Variants in SHTN1 observed in about 807,000 individuals in gnomAD.
SHTN1 encodes the protein shootin 1, also known as shootin-1.
SHTN1 carries 42 observed loss-of-function variants against 83.1 expected under a neutral mutation model. The observed-to-expected ratio is 0.51, with a 90% confidence interval of 0.39 to 0.65. The LOEUF (loss-of-function observed/expected upper bound fraction) is 0.65. Among genes scored for constraint, SHTN1 ranks in the 30% least tolerant of loss-of-function variants. The probability of loss-of-function intolerance (pLI) is 0.00; values close to 1 mark genes in which losing one functional copy is unlikely to be tolerated. For missense variants in SHTN1, 622 were observed against 737.8 expected (o/e 0.84, Z 1.82); for synonymous variants, 224 against 247.7 (o/e 0.90, Z 0.90).
intron 2 of SHTN1, among the ~76,000 whole-genome samples, chr10:117,027,787 C>T (rs1279438317): frequency 2.6e-5 from 4 of 152,152 alleles, no homozygotes; most frequent in Non-Finnish European, 5.9e-5. Flanking sequence ...CGTGAGCCAC[C>T]GCACCTGGCC....
At chr10:116,999,891 T>C (rs1352465124) in intron 1 of SHTN1, among the ~76,000 whole-genome samples, 1 of 152,146 alleles carries the variant, frequency 6.6e-6, no homozygotes, top group Non-Finnish European at 1.5e-5. Context: ...CCAGCCTGGG[T>C]GACAGAGTGA....
chr10:116,994,194 AG>A (rs1158565975), intron 1 of SHTN1, among the ~76,000 whole-genome samples: 5 of 152,138 alleles, frequency 3.3e-5, no homozygotes, highest in African/African-American at 1.2e-4. Flanking sequence ...GCAAGATATG[AG>A]GATCTGTTTT....
chr10:117,105,143 G>C (rs1853653489), intron 1 of SHTN1, among the ~76,000 whole-genome samples: 1 of 151,994 alleles, frequency 6.6e-6, no homozygotes, highest in Non-Finnish European at 1.5e-5. Context: ...CTCTTACTAT[G>C]CATATCTCAT....
chr10:117,001,395 T>C (rs1431577530), intron 1 of SHTN1, among the ~76,000 whole-genome samples: 4 of 152,178 alleles, frequency 2.6e-5, no homozygotes, highest in Non-Finnish European at 5.9e-5. Context: ...AAGTATAAAT[T>C]AGAGATTGTT....
Position 116,886,509 on chromosome 10 carries a change from T to C in SHTN1, c.1731A>G (p.Glu577=). ...KKYIDGEKQA[E]PVVVLDPVST... ...AAACAGGATCTAAAACTACAACTGG[T>C]TCGGCTTGTTTTTCACCGTCAATGT... The change falls in exon 17 of 17, where the codon GAA becomes GAG. Residue 577 remains glutamate (E), a synonymous_variant. Transcript: ENST00000355371. The C allele has an allele frequency of 6.2e-7, 1 of 1,614,198 alleles. No homozygotes were observed. The highest frequency in any genetic ancestry group is 1.1e-5 in the South Asian group (1 of 91,072).
chr10:117,057,720 G>C (rs939827770), intron 1 of SHTN1, among the ~76,000 whole-genome samples: 1 of 152,102 alleles, frequency 6.6e-6, no homozygotes, highest in Non-Finnish European at 1.5e-5. Flanking sequence ...CCCCGGCACA[G>C]ACACAGCCTA....
At chr10:117,068,319 G>C (rs770974020) in intron 1 of SHTN1, among the ~76,000 whole-genome samples, 1 of 152,146 alleles carries the variant, frequency 6.6e-6, no homozygotes, top group Non-Finnish European at 1.5e-5. Context: ...GAACCCAGGA[G>C]GCAGAGGTTG....
At chr10:116,985,182 A>G (rs780379967) in intron 1 of SHTN1, among the ~76,000 whole-genome samples, 12 of 152,226 alleles carry the variant, frequency 7.9e-5, no homozygotes, top group Non-Finnish European at 1.3e-4. Context: ...ATTCACTGCT[A>G]TATGTCTTAT....
intron 2 of SHTN1, among the ~76,000 whole-genome samples, chr10:117,022,548 T>TA (rs1342575275): frequency 6.6e-6 from 1 of 152,028 alleles, no homozygotes; most frequent in Admixed American, 6.6e-5. Context: ...TACACACAAC[T>TA]AAACAAAACT....
chr10:116,931,483 A>C (rs1213021186), intron 9 of SHTN1, among the ~76,000 whole-genome samples: 1 of 152,184 alleles, frequency 6.6e-6, no homozygotes, highest in Non-Finnish European at 1.5e-5. Flanking sequence ...TCCTGGCCTT[A>C]AGTGATCCAC....
chr10:117,029,872 C>G (rs1381872222), intron 2 of SHTN1, among the ~76,000 whole-genome samples: 1 of 143,986 alleles, frequency 6.9e-6, no homozygotes, highest in Non-Finnish European at 1.5e-5. Flanking sequence ...CTCCCTCCCT[C>G]TCTCTCTGTC....
At chr10:117,084,553 G>A (rs1439555846) in intron 1 of SHTN1, among the ~76,000 whole-genome samples, 2 of 152,326 alleles carry the variant, frequency 1.3e-5, no homozygotes, top group South Asian at 2.1e-4. Context: ...CTTGAGCTGT[G>A]GTGGGCTCCA....
At chr10:117,007,569 A>AC (rs1156493118), upstream of SHTN1, among the ~76,000 whole-genome samples, 11 of 149,652 alleles carry the variant, frequency 7.4e-5, no homozygotes, top group African/African-American at 2.5e-4. Flanking sequence ...AAAAAAAAAA[A>AC]AAAAAAAAAA....
At chr10:117,097,028 T>C (rs61873042) in intron 1 of SHTN1, among the ~76,000 whole-genome samples, 63 of 98,474 alleles carry the variant, frequency 6.4e-4, no homozygotes, top group East Asian at 3.6e-3. Flanking sequence ...CACACACACA[T>C]AGACACACAC....
chr10:117,030,892 G>C (rs1852405840), intron 2 of SHTN1, among the ~76,000 whole-genome samples: 1 of 152,080 alleles, frequency 6.6e-6, no homozygotes, highest in Non-Finnish European at 1.5e-5. Flanking sequence ...AAATCTAAGA[G>C]TTATAGGTCT....
chr10:116,981,234 G>A (rs559479713), intron 1 of SHTN1, among the ~76,000 whole-genome samples: 12 of 152,178 alleles, frequency 7.9e-5, no homozygotes, highest in South Asian at 2.1e-4. Context: ...CAGGAGAATC[G>A]CGTGAACCCG....
intron 1 of SHTN1, among the ~76,000 whole-genome samples, chr10:116,993,265 C>T (rs1851511151): frequency 6.6e-6 from 1 of 151,954 alleles, no homozygotes; most frequent in Non-Finnish European, 1.5e-5. Flanking sequence ...TCCGCCTGCC[C>T]TGACCTCCCA....
intron 1 of SHTN1, among the ~76,000 whole-genome samples, chr10:117,082,858 C>A (rs1390259221): frequency 6.6e-6 from 1 of 150,880 alleles, no homozygotes; most frequent in African/African-American, 2.4e-5. Context: ...AGGATTGCAA[C>A]CCCTGCCTTT....
intron 1 of SHTN1, among the ~76,000 whole-genome samples, chr10:117,103,440 T>G (rs182591001): frequency 6.6e-6 from 1 of 152,054 alleles, no homozygotes; most frequent in Non-Finnish European, 1.5e-5. Context: ...ATACCACCCA[T>G]GTTTTCTACA....
Sources: gnomAD v4.1 joint callset for allele counts (sites outside exome capture counted in the v4.1 genomes callset) on GRCh38, gnomAD v4.1.1 for gene constraint, MANE v1.5 for transcripts, NCBI Gene and HGNC (gene_info 2026-07-23, HGNC 2026-07-21) for gene names.